The following EDEM2 variants were observed in gnomAD, a reference collection of about 807,000 sequenced individuals.
The protein encoded by EDEM2 is ER degradation enhancing alpha-mannosidase like protein 2, also known as ER degradation-enhancing alpha-mannosidase-like protein 2.
EDEM2 carries 39 observed loss-of-function variants against 64.8 expected under a neutral mutation model. The ratio of observed to expected loss-of-function variants is 0.60; its 90% confidence interval spans 0.47 to 0.79. EDEM2 has a LOEUF of 0.79. EDEM2 is among the 30% of genes least tolerant of loss of function. The pLI is 0.00. For missense variants in EDEM2, 609 were observed against 731.3 expected, an observed-to-expected ratio of 0.83 and a Z score of 1.93; for synonymous variants, 296 against 291.5, an observed-to-expected ratio of 1.02 and a Z score of -0.16.
At chr20:35,146,556 C>T (rs894178322) in intron 2 of EDEM2, among the ~76,000 whole-genome samples, 3 of 152,178 alleles carry the variant, frequency 2.0e-5, no homozygotes, top group African/African-American at 7.2e-5. Flanking sequence ...CCAGAAATTG[C>T]CTATGTCCCC....
chr20:35,139,706 T>A (rs1350927114), intron 4 of EDEM2, among the ~76,000 whole-genome samples: 2 of 150,480 alleles, frequency 1.3e-5, no homozygotes, highest in Non-Finnish European at 3.0e-5. Flanking sequence ...GTATGTACCT[T>A]ATGGTAAAAC....
At chr20:35,141,119 C>CAAAAAAAAAAA (rs58702725) in intron 4 of EDEM2, among the ~76,000 whole-genome samples, 1 of 29,386 alleles carries the variant, frequency 3.4e-5, no homozygotes, top group African/African-American at 1.1e-4. Flanking sequence ...GACTCCGCCT[C>CAAAAAAAAAAA]AAAAAAAAAA....
intron 6 of EDEM2, 97 bp from the exon 7 acceptor site, chr20:35,131,880 C>T: frequency 7.0e-7 from 1 of 1,438,782 alleles, no homozygotes; most frequent in Non-Finnish European, 9.4e-7. Flanking sequence ...AGATGCAGGG[C>T]AGGTGCCCCA....
rs754555510 is a variant in EDEM2 at position 35,137,894 on chromosome 20, C to T, written c.476G>A (p.Arg159Gln). ...PLLRMAEEAA[R>Q]KLLPAFQTPT... is the part of the protein sequence containing the mutation. ...GTGGGTCTTACCTGGGAGGAGTTTT[C>T]GGGCCGCCTCCTCAGCCATTCTCAG... The change falls in exon 5 of 11, where the codon CGA becomes CAA. Residue 159 changes from arginine (R) to glutamine (Q), a missense_variant. Arg to Gln is a conservative substitution (Grantham distance 43, BLOSUM62 1). Coordinates refer to ENST00000374492, the MANE Select transcript of EDEM2 (RefSeq NM_018217.3). 5 of 1,614,096 alleles carry T rather than the reference C, an allele frequency of 3.1e-6. No homozygotes were observed. The highest frequency in any genetic ancestry group is 1.1e-5 in the South Asian group (1 of 91,066).
rs2085302836 is a variant in EDEM2, at chr20:35,115,835, G to T, written c.1335C>A (p.Asn445Lys). The change falls in exon 11 of 11, where the codon AAC becomes AAA. Residue 445 changes from asparagine to lysine, a missense_variant. Asn to Lys is a moderately conservative substitution (Grantham distance 94). Transcript: ENST00000374492. ...KYLYLLFDPTNFIHNNGSTFD... is the reference protein window; with the variant it reads ...KYLYLLFDPTKFIHNNGSTFD... The stretch of plus-strand genomic sequence containing the variant: ...AGGTGGACCCATTGTTGTGGATGAA[G>T]TTGGTTGGGTCAAACAGGAGGTAGA... 1 of 1,613,604 alleles carries T rather than the reference G, an allele frequency of 6.2e-7. No individual in the cohort carries two copies. Among genetic ancestry groups the T allele is most frequent in the Non-Finnish European group, 8.5e-7 (1 of 1,180,046 alleles).
intron 1 of EDEM2, 59 bp downstream of exon 1, chr20:35,147,093 G>A: frequency 6.4e-7 from 1 of 1,567,602 alleles, no homozygotes; most frequent in South Asian, 1.2e-5. Context: ...GACGGAAAGG[G>A]AAAGGACCGG....
At chr20:35,146,504 G>A (rs2085734199) in intron 2 of EDEM2, among the ~76,000 whole-genome samples, 2 of 152,182 alleles carry the variant, frequency 1.3e-5, no homozygotes, top group South Asian at 4.2e-4. Context: ...GAAAGGGGTG[G>A]GTTTTCTAAT....
In EDEM2 at chr20:35,147,308, C is replaced by G; in HGVS notation, c.-50G>C. ...CCGCAGCAGCAGCAGCCACTGCAACCAGTTCATCCTGGGAGCTGCTGCGGG... is the reference window on the plus strand; with the variant it reads ...CCGCAGCAGCAGCAGCCACTGCAACGAGTTCATCCTGGGAGCTGCTGCGGG... On this transcript the variant is annotated 5_prime_UTR_variant, in exon 1 of 11. Transcript: ENST00000374492. 6.9e-7 allele frequency: 1 copy of G among 1,442,006 alleles called. No homozygotes were observed. Among genetic ancestry groups the G allele is most frequent in the Non-Finnish European group, 9.1e-7 (1 of 1,093,026 alleles). 89.3% of individuals were successfully genotyped at this position (1,442,006 alleles called of 1,614,324 possible).
intron 7 of EDEM2, among the ~76,000 whole-genome samples, chr20:35,131,362 C>T (rs1438646290): frequency 6.6e-6 from 1 of 152,060 alleles, no homozygotes; most frequent in Non-Finnish European, 1.5e-5. Flanking sequence ...ACCAGCCTGG[C>T]CAACATGGTG....
At position 35,134,937 on chromosome 20, in the gene EDEM2, G is replaced by T. The variant is rs1312819009; in HGVS notation, c.503C>A (p.Pro168His). 1 of 1,613,902 alleles carries T rather than the reference G, an allele frequency of 6.2e-7. No homozygotes were observed. Among genetic ancestry groups the T allele is most frequent in the African/African-American group, 1.3e-5 (1 of 74,888 alleles). Residue 168 changes from proline (P) to histidine (H), a missense_variant, in exon 6 of 11, where the codon CCC (proline) becomes CAC (histidine). Coordinates refer to ENST00000374492, the MANE Select transcript of EDEM2 (RefSeq NM_018217.3). Reference sequence around the variant, plus strand: ...CACTGTTCCATATGGCATGCCAGTGGGGGTCTGAAAGGCTGAACAATCGAC... The same window carrying T: ...CACTGTTCCATATGGCATGCCAGTGTGGGTCTGAAAGGCTGAACAATCGAC... ...ARKLLPAFQT[P>H]TGMPYGTVNL...
chr20:35,138,056 G>A, intron 4 of EDEM2, 51 bp from the exon 5 acceptor site: 1 of 1,600,872 alleles, frequency 6.2e-7, no homozygotes, highest in Non-Finnish European at 8.5e-7. Context: ...AAAGACCAAG[G>A]GATCAAGGAT....
intron 7 of EDEM2, among the ~76,000 whole-genome samples, chr20:35,128,682 C>T (rs1163352678): frequency 6.7e-6 from 1 of 150,324 alleles, no homozygotes; most frequent in Non-Finnish European, 1.5e-5. Flanking sequence ...CCCCAAAGAC[C>T]TTCTAGCAGG....
intron 3 of EDEM2, among the ~76,000 whole-genome samples, chr20:35,143,219 T>C (rs73099541): frequency 0.024 from 3,611 of 152,322 alleles, 68 homozygotes; most frequent in Middle Eastern, 0.051. Flanking sequence ...CCTCCTTTGC[T>C]GCTGCAGTTG....
intron 3 of EDEM2, 77 bp downstream of exon 3, chr20:35,144,902 C>A: frequency 1.3e-6 from 2 of 1,516,816 alleles, no homozygotes; most frequent in East Asian, 2.3e-5. Context: ...ATTTTTCACC[C>A]ACAGTCACGC....
chr20:35,126,213 C>T, intron 8 of EDEM2, 38 bp downstream of exon 8: 1 of 1,603,534 alleles, frequency 6.2e-7, no homozygotes, highest in Non-Finnish European at 8.5e-7. Context: ...CTTTGCCAGA[C>T]TCATAGAAAG....
intron 9 of EDEM2, among the ~76,000 whole-genome samples, chr20:35,121,085 C>T (rs1275350957): frequency 1.3e-5 from 2 of 152,212 alleles, no homozygotes; most frequent in African/African-American, 2.4e-5. Flanking sequence ...ACAATTTTTC[C>T]ATGAACTGGG....
At position 35,123,896 on chromosome 20, in the gene EDEM2, G is replaced by A; in HGVS notation, c.1108C>T (p.Arg370Trp). 1.9e-6 allele frequency: 3 copies of A among 1,613,806 alleles called. No individual in the cohort carries two copies. Among genetic ancestry groups the A allele is most frequent in the South Asian group, 1.1e-5 (1 of 91,064 alleles). The change falls in exon 9 of 11, where the codon CGG (arginine) becomes TGG (tryptophan). Residue 370 changes from arginine (R) to tryptophan (W), a missense_variant. Transcript: ENST00000374492. ...TVEKREGYPL[R>W]PELIESAMYL... ...AGCCAGAAATGCTGCTCACCTGGCCGAAGTGGGTAGCCCTCTCGCTTCTCC... is the reference window on the plus strand; with the variant it reads ...AGCCAGAAATGCTGCTCACCTGGCCAAAGTGGGTAGCCCTCTCGCTTCTCC...
intron 6 of EDEM2, among the ~76,000 whole-genome samples, chr20:35,133,099 T>G (rs1037845780): frequency 6.6e-6 from 1 of 152,126 alleles, no homozygotes; most frequent in African/African-American, 2.4e-5. Flanking sequence ...AGTTCAATCT[T>G]GCTGGGGAGC....
At position 35,144,975 on chromosome 20, in the gene EDEM2, T is replaced by C; in HGVS notation, c.258+4A>G. 2.5e-6 allele frequency: 4 copies of C among 1,613,984 alleles called. No individual in the cohort carries two copies. Among genetic ancestry groups the C allele is most frequent in the Non-Finnish European group, 3.4e-6 (4 of 1,179,916 alleles). On this transcript the variant is annotated splice_donor_region_variant and intron_variant, in intron 3 of 10. Transcript: ENST00000374492. ...AAAGGAAAAGAAACAGACGAGATACTTACCAGCAAGGTGTCCAGTGCATCA... is the reference window on the plus strand; with the variant it reads ...AAAGGAAAAGAAACAGACGAGATACCTACCAGCAAGGTGTCCAGTGCATCA...
Sources: gnomAD v4.1 joint callset for allele counts (sites outside exome capture counted in the v4.1 genomes callset) on GRCh38, gnomAD v4.1.1 for gene constraint, MANE v1.5 for transcripts, NCBI Gene and HGNC (gene_info 2026-07-23, HGNC 2026-07-21) for gene names.